PLCB1: variants seen among roughly 807,000 people sequenced by gnomAD.
The protein encoded by PLCB1 is phospholipase C beta 1.
In PLCB1, 46 loss-of-function variants were observed where a neutral mutation model predicts 161.8. The ratio of observed to expected loss-of-function variants is 0.28; its 90% CI spans 0.22 to 0.36. PLCB1 has a LOEUF of 0.36. PLCB1 is among the 10% of genes least tolerant of loss of function. The pLI is 1.00. For synonymous variants in PLCB1, 517 were observed against 503.7 expected, an observed-to-expected ratio of 1.03 and a Z score of -0.35; for missense variants, 1,016 against 1,472.5, an observed-to-expected ratio of 0.69 and a Z score of 5.07.
chr20:8,483,708 A>T (rs1015221623), intron 3 of PLCB1, among the ~76,000 whole-genome samples: 1 of 152,112 alleles, frequency 6.6e-6, no homozygotes, highest in African/African-American at 2.4e-5. Flanking sequence ...AATTAATTTA[A>T]ATTCTTCTAG....
At chr20:8,378,940 TTTTA>T (rs1362366917) in intron 3 of PLCB1, among the ~76,000 whole-genome samples, 2 of 152,288 alleles carry the variant, frequency 1.3e-5, no homozygotes, top group East Asian at 3.9e-4. Context: ...TCTGTTCAAG[TTTTA>T]TTTATTTATT....
At chr20:8,828,732 A>G (rs959878040) in intron 31 of PLCB1, among the ~76,000 whole-genome samples, 3 of 152,206 alleles carry the variant, frequency 2.0e-5, no homozygotes, top group African/African-American at 7.2e-5. Flanking sequence ...ATGTTGATGG[A>G]CAAGATTGTA....
At chr20:8,867,498 ATAAT>A (rs1987469261) in intron 31 of PLCB1, among the ~76,000 whole-genome samples, 1 of 152,266 alleles carries the variant, frequency 6.6e-6, no homozygotes, top group African/African-American at 2.4e-5. Context: ...TCATCTAAAA[ATAAT>A]TAGCCTCTGA....
intron 2 of PLCB1, among the ~76,000 whole-genome samples, chr20:8,173,609 A>T (rs1158274767): frequency 2.0e-5 from 3 of 152,236 alleles, no homozygotes; most frequent in African/African-American, 2.4e-5. Context: ...AAAGTTGCTC[A>T]TCATACTAAG....
intron 23 of PLCB1, chr20:8,750,899 C>A: frequency 7.8e-7 from 1 of 1,276,584 alleles, no homozygotes; most frequent in Non-Finnish European, 1.1e-6. Context: ...CCATCCAAAG[C>A]AAGATGCTGT....
chr20:8,523,492 CTCTCTATA>C lies in PLCB1; in HGVS notation c.247-104800_247-104793del, dbSNP rs1463494034. Among the ~76,000 whole-genome samples the C allele has an allele frequency of 8.1e-5, 5 of 61,846 alleles. No individual in the cohort carries two copies. In the East Asian group the frequency reaches 1.3e-3, roughly 16 times the overall value. The allele number at this position is 61,846 out of a possible 152,430, so 40.6% of individuals were successfully genotyped here. ...TCTCTCTCTCTCTCTCTCTCTCTCT[CTCTCTATA>C]TATATATATATATATATATATGGAG... On this transcript the variant is annotated intron_variant, in intron 3 of 31. Transcript: ENST00000338037.
chr20:8,182,180 G>A (rs2051851207), intron 2 of PLCB1, among the ~76,000 whole-genome samples: 1 of 152,192 alleles, frequency 6.6e-6, no homozygotes, highest in Non-Finnish European at 1.5e-5. Flanking sequence ...AAAACCATGT[G>A]AACCAGGTGT....
At chr20:8,600,945 C>A (rs562029693) in intron 3 of PLCB1, among the ~76,000 whole-genome samples, 1 of 152,292 alleles carries the variant, frequency 6.6e-6, no homozygotes, top group African/African-American at 2.4e-5. Flanking sequence ...GGCAATGCCT[C>A]GCCCTGCTTC....
intron 10 of PLCB1, among the ~76,000 whole-genome samples, chr20:8,693,971 G>GTCAA (rs1246614388): frequency 1.3e-5 from 2 of 152,132 alleles, no homozygotes; most frequent in African/African-American, 4.8e-5. Context: ...GAGAGATGAT[G>GTCAA]TCAAATACTA....
intron 2 of PLCB1, among the ~76,000 whole-genome samples, chr20:8,168,767 T>G (rs961112689): frequency 1.3e-5 from 2 of 152,090 alleles, no homozygotes; most frequent in African/African-American, 4.8e-5. Flanking sequence ...TTTTTTCCCT[T>G]TCTTTGTATC....
At chr20:8,549,216 A>G (rs1985683147) in intron 3 of PLCB1, among the ~76,000 whole-genome samples, 1 of 152,184 alleles carries the variant, frequency 6.6e-6, no homozygotes, top group Admixed American at 6.5e-5. Context: ...TTTTTTTAAA[A>G]CCTGCTTTGT....
intron 3 of PLCB1, among the ~76,000 whole-genome samples, chr20:8,614,268 C>T (rs954382581): frequency 4.6e-5 from 7 of 151,914 alleles, no homozygotes; most frequent in Admixed American, 1.3e-4. Context: ...ATATCAATAC[C>T]TTTGGCCCTG....
chr20:8,473,535 A>G (rs912687184), intron 3 of PLCB1, among the ~76,000 whole-genome samples: 1 of 152,190 alleles, frequency 6.6e-6, no homozygotes, highest in Admixed American at 6.5e-5. Context: ...AGCATCACAC[A>G]TAGCAAGAAA....
At chr20:8,263,843 G>A (rs1981826678) in intron 2 of PLCB1, among the ~76,000 whole-genome samples, 1 of 152,152 alleles carries the variant, frequency 6.6e-6, no homozygotes, top group Admixed American at 6.5e-5. Context: ...TGCTCTGGGT[G>A]AGTTGTTGAG....
intron 1 of PLCB1, among the ~76,000 whole-genome samples, chr20:8,142,722 G>C (rs1483111461): frequency 6.6e-6 from 1 of 152,186 alleles, no homozygotes; most frequent in Non-Finnish European, 1.5e-5. Flanking sequence ...GATTCACAAA[G>C]AGAAAAAAGA....
rs78528586 is a variant in PLCB1 at position 8,161,870 on chromosome 20, T to G, written c.177+11499T>G. Reference sequence around the variant, plus strand: ...TAGAAAGCAAGCTGACCTTACAAATTAATTCAGTAAACTTCCTGAAAGGAT... The same window carrying G: ...TAGAAAGCAAGCTGACCTTACAAATGAATTCAGTAAACTTCCTGAAAGGAT... On this transcript the variant is annotated intron_variant, in intron 2 of 31. Coordinates refer to ENST00000338037, the MANE Select transcript of PLCB1 (RefSeq NM_015192.4). Among the ~76,000 whole-genome samples the G allele has an allele frequency of 5.6e-3, 846 of 152,200 alleles. 8 individuals are homozygous for G. Among genetic ancestry groups the G allele is most frequent in the African/African-American group, 0.019 (798 of 41,528 alleles).
chr20:8,739,217 T>C (rs200009939), intron 20 of PLCB1, 44 bp from the exon 21 acceptor site: 21 of 1,079,068 alleles, frequency 1.9e-5, no homozygotes, highest in Non-Finnish European at 3.0e-5. Flanking sequence ...TTTCTTGGAA[T>C]TGTTCATTCT....
At chr20:8,828,155 T>C (rs1985801853) in intron 31 of PLCB1, among the ~76,000 whole-genome samples, 1 of 152,010 alleles carries the variant, frequency 6.6e-6, no homozygotes, top group Admixed American at 6.6e-5. Context: ...CATTGGGGGG[T>C]GTGATGGTGG....
At chr20:8,791,235 A>G (rs7265458) in intron 31 of PLCB1, among the ~76,000 whole-genome samples, 48,332 of 152,006 alleles carry the variant, frequency 0.32, 7,739 homozygotes, top group Middle Eastern at 0.48. Context: ...TCAAGCAAGA[A>G]TTAATAATTA....
Sources: allele counts gnomAD v4.1 joint callset (sites outside exome capture counted in the v4.1 genomes callset), GRCh38; gene constraint gnomAD v4.1.1; transcripts MANE v1.5; gene names NCBI Gene and HGNC (gene_info 2026-07-23, HGNC 2026-07-21).